NUCB1: variants seen among roughly 807,000 people sequenced by gnomAD.
The protein encoded by NUCB1 is nucleobindin 1, also known as nucleobindin-1.
NUCB1 carries 47 observed loss-of-function variants against 61.2 expected under a neutral mutation model. The ratio of observed to expected loss-of-function variants is 0.77; its 90% CI spans 0.61 to 0.98. The LOEUF is 0.98. Among genes scored for constraint, NUCB1 ranks in the 50% least tolerant of loss-of-function variants. The pLI is 0.00. For synonymous variants in NUCB1, 234 were observed against 243.1 expected (o/e 0.96, Z 0.35); for missense variants, 583 against 605.3 (o/e 0.96, Z 0.39).
At chr19:48,921,369 C>T (rs1466009488) in intron 11 of NUCB1, 45 bp downstream of exon 11, 1 of 1,548,090 alleles carries the variant, frequency 6.5e-7, no homozygotes, top group Non-Finnish European at 8.7e-7. Flanking sequence ...TCTCTGGCTG[C>T]CCGTGTCCGT....
chr19:48,913,116 G>C lies in NUCB1; in HGVS notation c.586G>C (p.Glu196Gln), dbSNP rs2037496627. The C allele has an allele frequency of 5.0e-6, 8 of 1,613,958 alleles. No individual in the cohort carries two copies. The highest frequency in any genetic ancestry group is 6.8e-6 in the Non-Finnish European group (8 of 1,180,000). The change falls in exon 6 of 13, where the codon GAG (glutamate) becomes CAG (glutamine). Residue 196 changes from glutamate to glutamine, a missense_variant. Transcript: ENST00000405315. Reference sequence around the variant, plus strand: ...ACGGCGTTATCTGGAGTCACTGGGAGAGGAGCAGAGAAAGGAGGCGGAGAG... The same window carrying C: ...ACGGCGTTATCTGGAGTCACTGGGACAGGAGCAGAGAAAGGAGGCGGAGAG... ...ERRRYLESLG[E>Q]EQRKEAERKL...
intron 7 of NUCB1, among the ~76,000 whole-genome samples, chr19:48,915,799 C>G (rs988741442): frequency 6.6e-6 from 1 of 151,854 alleles, no homozygotes; most frequent in African/African-American, 2.4e-5. Context: ...TCCCACCGGG[C>G]ACCACCCCCC....
rs1388944281 is a variant in NUCB1 at position 48,921,271 on chromosome 19, G to A, written c.1120G>A (p.Ala374Thr). ...KAQRLSQETEALGRSQGRLEA... is the reference protein window; with the variant it reads ...KAQRLSQETETLGRSQGRLEA... ...CCAGCGCCTCAGCCAGGAGACAGAG[G>A]CTCTAGGGCGGTCCCAGGGCCGCCT... The change falls in exon 11 of 13, where the codon GCT becomes ACT. Residue 374 changes from alanine (A) to threonine (T), a missense_variant. Physicochemically the swap from Ala to Thr is moderately conservative, Grantham distance 58. Coordinates refer to ENST00000405315, the MANE Select transcript of NUCB1 (RefSeq NM_006184.6). 3.1e-6 allele frequency: 5 copies of A among 1,606,016 alleles called. No individual in the cohort carries two copies. The African/African-American group carries it at 6.7e-5, about 21-fold the overall frequency.
At chr19:48,911,396 TTTTC>T in intron 5 of NUCB1, 144 bp downstream of exon 5, 3 of 402,670 alleles carry the variant, frequency 7.5e-6, no homozygotes, top group South Asian at 6.5e-5. Flanking sequence ...GAGTCGTTTC[TTTTC>T]TTTTCTTTTT....
At chr19:48,903,522 A>G (rs1600050700) in intron 2 of NUCB1, among the ~76,000 whole-genome samples, 1 of 80,258 alleles carries the variant, frequency 1.2e-5, no homozygotes, top group African/African-American at 4.9e-5. Context: ...GAGTGGATGG[A>G]TGGATGGGTG....
intron 2 of NUCB1, among the ~76,000 whole-genome samples, chr19:48,901,327 C>T (rs58731305): frequency 0.012 from 1,850 of 152,166 alleles, 35 homozygotes; most frequent in African/African-American, 0.038. Flanking sequence ...TACAGAAGGG[C>T]GGGTGAACTG....
intron 7 of NUCB1, among the ~76,000 whole-genome samples, chr19:48,915,633 G>A (rs1355736534): frequency 3.9e-5 from 6 of 152,216 alleles, no homozygotes; most frequent in African/African-American, 1.4e-4. Context: ...CCAAGTATCT[G>A]GGACCACAGG....
intron 3 of NUCB1, among the ~76,000 whole-genome samples, chr19:48,905,395 T>G (rs967279214): frequency 1.2e-4 from 18 of 152,184 alleles, no homozygotes; most frequent in Admixed American, 2.6e-4. Context: ...CTCACCACCA[T>G]GCACGGCTAA....
intron 4 of NUCB1, among the ~76,000 whole-genome samples, chr19:48,908,727 T>TGTGG (rs2037440928): frequency 5.9e-5 from 8 of 135,710 alleles, no homozygotes; most frequent in Admixed American, 2.9e-4. Context: ...AAGGGGTGTG[T>TGTGG]GTGTGTGTGT....
At position 48,915,804 on chromosome 19, in the gene NUCB1, C is replaced by T. The variant is rs374284283; in HGVS notation, c.757+2240C>T. On this transcript the variant is annotated intron_variant, in intron 7 of 12. Transcript: ENST00000405315. The stretch of plus-strand genomic sequence containing the variant: ...GCATGAGCCATCCCACCGGGCACCA[C>T]CCCCCGTGTTTTGTTTTGTTTTTTT... Among the ~76,000 whole-genome samples the T allele has an allele frequency of 1.5e-4, 23 of 151,784 alleles. No individual in the cohort carries two copies. The East Asian group carries it at 3.9e-3, about 26-fold the overall frequency.
rs961539559 is a variant in NUCB1, at chr19:48,923,023, C to T, written c.*599C>T. The T allele has an allele frequency of 2.6e-5, 4 of 153,214 alleles. No homozygotes were observed. The highest frequency in any genetic ancestry group is 9.6e-5 in the African/African-American group (4 of 41,484). 9.5% of individuals were successfully genotyped at this position (153,214 alleles called of 1,614,324 possible). A position where few individuals can be genotyped will look rare whatever the true frequency, so the allele number is the denominator to read the frequency against. ...CAGGAGCCTGGGCCTCCCTGAACCCCTGGCTTCCAGCCATCTCATCGCCAG... is the reference window on the plus strand; with the variant it reads ...CAGGAGCCTGGGCCTCCCTGAACCCTTGGCTTCCAGCCATCTCATCGCCAG... On this transcript the variant is annotated 3_prime_UTR_variant, in exon 13 of 13. Transcript: ENST00000405315.
intron 7 of NUCB1, among the ~76,000 whole-genome samples, chr19:48,916,677 G>A (rs562789580): frequency 8.6e-5 from 13 of 152,024 alleles, no homozygotes; most frequent in African/African-American, 2.7e-4. Flanking sequence ...CAGCACTTTC[G>A]GAGGCCAAGG....
At chr19:48,913,219 T>C in intron 6 of NUCB1, 23 bp downstream of exon 6, 1 of 1,594,954 alleles carries the variant, frequency 6.3e-7, no homozygotes, top group Non-Finnish European at 8.5e-7. Flanking sequence ...TTTGTGCCCA[T>C]CCACTCCCTA....
chr19:48,906,421 A>T (rs1187015730), intron 4 of NUCB1, among the ~76,000 whole-genome samples: 4 of 151,398 alleles, frequency 2.6e-5, no homozygotes, highest in South Asian at 2.1e-4. Context: ...AAAAAAAAAA[A>T]TTGTCATTTA....
At chr19:48,921,777 C>T (rs1390954232) in intron 11 of NUCB1, 50 bp from the exon 12 acceptor site, 4 of 1,563,494 alleles carry the variant, frequency 2.6e-6, no homozygotes, top group South Asian at 2.2e-5. Flanking sequence ...TGAGCACTTG[C>T]AATGCCAGCA....
At position 48,907,184 on chromosome 19, in the gene NUCB1, C is replaced by T. The variant is rs143585915; in HGVS notation, c.376+1299C>T. ...AGAGACGGAATTTCACTGTATTAGC[C>T]AGGATGGTCTTGATCTCTAACCTCG... On this transcript the variant is annotated intron_variant, in intron 4 of 12. Transcript: ENST00000405315. 6.5e-3 allele frequency among the ~76,000 whole-genome samples: 984 copies of T among 151,662 alleles called. 7 individuals are homozygous for T. The highest frequency in any genetic ancestry group is 0.024 in the Middle Eastern group (7 of 290).
chr19:48,901,721 G>T (rs2037355142), intron 2 of NUCB1, among the ~76,000 whole-genome samples: 1 of 152,142 alleles, frequency 6.6e-6, no homozygotes, highest in South Asian at 2.1e-4. Context: ...GTGAGCCAAG[G>T]TCACGCCATT....
At chr19:48,903,167 C>T (rs2037370244) in intron 2 of NUCB1, among the ~76,000 whole-genome samples, 1 of 151,768 alleles carries the variant, frequency 6.6e-6, no homozygotes, top group African/African-American at 2.4e-5. Flanking sequence ...TGCTTTTCAC[C>T]ACAACTCTGG....
intron 7 of NUCB1, chr19:48,918,489 T>A (rs1436400740): frequency 1.9e-6 from 1 of 523,126 alleles, no homozygotes; most frequent in African/African-American, 1.9e-5. Flanking sequence ...CCAAGCATGT[T>A]TCCTCGAACC....
Sources: allele counts gnomAD v4.1 joint callset (sites outside exome capture counted in the v4.1 genomes callset), GRCh38; gene constraint gnomAD v4.1.1; transcripts MANE v1.5; gene names NCBI Gene and HGNC (gene_info 2026-07-23, HGNC 2026-07-21).